Variants in SALL4 observed in about 807,000 individuals in gnomAD.
SALL4 encodes the protein spalt like transcription factor 4.
A neutral mutation model predicts 60.8 loss-of-function variants in SALL4; 4 were observed. The observed-to-expected ratio is 0.07, with a 90% CI of 0.03 to 0.15. SALL4 has a LOEUF of 0.15. Among genes scored for constraint, SALL4 ranks in the 10% least tolerant of loss-of-function variants. The pLI is 1.00. For synonymous variants in SALL4, 580 were observed against 574.9 expected (o/e 1.01, Z -0.13); for missense variants, 1,178 against 1,394.7 (o/e 0.84, Z 2.48).
intron 1 of SALL4, among the ~76,000 whole-genome samples, chr20:51,798,766 C>T (rs979001874): frequency 2.6e-5 from 4 of 152,056 alleles, no homozygotes; most frequent in African/African-American, 9.7e-5. Flanking sequence ...GCACCAATCA[C>T]GGCTCCCTTG....
In SALL4 at chr20:51,788,164, A is replaced by G. The variant is rs2078005860; in HGVS notation, c.2742+697T>C. On this transcript the variant is annotated intron_variant, in intron 3 of 3. Transcript: ENST00000217086. The surrounding 1 kb of genome is among the most constrained non-coding windows in gnomAD (Gnocchi z 4.1). The stretch of plus-strand genomic sequence containing the variant: ...TTAAAATTAAAATGTAAACATTTTA[A>G]TTTTTTTAAGAGACAAGGTCTCACT... 1.3e-5 allele frequency among the ~76,000 whole-genome samples: 2 copies of G among 151,532 alleles called. 1 individual carries two copies. The highest frequency in any genetic ancestry group is 4.1e-4 in the South Asian group (2 of 4,820).
At chr20:51,794,380 T>TC (rs993241505) in intron 1 of SALL4, among the ~76,000 whole-genome samples, 7 of 152,036 alleles carry the variant, frequency 4.6e-5, no homozygotes, top group African/African-American at 1.7e-4. Flanking sequence ...ATGGTGAAAC[T>TC]CCATCTCTAC....
At position 51,791,051 on chromosome 20, in the gene SALL4, G is replaced by C. The variant is rs763987953; in HGVS notation, c.1432C>G (p.Leu478Val). Residue 478 changes from leucine to valine, a missense_variant, in exon 2 of 4, where the codon CTT becomes GTT. Physicochemically the swap from Leu to Val is conservative, Grantham distance 32 (BLOSUM62 1). Around this residue, in one of 5 missense-constraint regions of SALL4, gnomAD observed 853 missense variants for 1,036.8 expected, o/e 0.82. Transcript: ENST00000217086. This position sits in a 1 kb window ranked among gnomAD's most constrained non-coding sequence, Gnocchi z 4.6. ...PSLSLDSKPV[L>V]VTTSVGLPQN... ...GGTAGCCCTACAGAGGTGGTTACAAGGACAGGTTTGCTGTCTAAAGAAAGA... is the reference window on the plus strand; with the variant it reads ...GGTAGCCCTACAGAGGTGGTTACAACGACAGGTTTGCTGTCTAAAGAAAGA... The C allele has an allele frequency of 1.9e-6, 3 of 1,614,162 alleles. No homozygotes were observed. Among genetic ancestry groups the C allele is most frequent in the Non-Finnish European group, 2.5e-6 (3 of 1,180,018 alleles).
Position 51,802,295 on chromosome 20 carries a change from G to A in SALL4, c.114C>T (p.Pro38=), listed in dbSNP as rs1319172990. Residue 38 remains proline, a synonymous_variant, in exon 1 of 4, where the codon CCC becomes CCT. Coordinates refer to ENST00000217086, the MANE Select transcript of SALL4 (RefSeq NM_020436.5). ...PEFADAAPAA[P]AAGELGAPVN... is the part of the protein sequence containing the mutation. ...CCCACTCACCCAGCTCCCCCGCCGC[G>A]GGCGCCGCTGGGGCCGCATCTGCAA... 1 of 1,606,108 alleles carries A rather than the reference G, an allele frequency of 6.2e-7. No individual in the cohort carries two copies. The highest frequency in any genetic ancestry group is 2.2e-5 in the East Asian group (1 of 44,714).
chr20:51,792,266 C>G lies in SALL4; in HGVS notation c.217G>C (p.Val73Leu). ...VKRLRREETH[V>L]CEKCCAEFFS... ...AACTCCGCACAGCATTTCTCACAGA[C>G]GTGCGTCTCCTCCCGACGAAGCCGC... Residue 73 changes from valine to leucine, a missense_variant, in exon 2 of 4, where the codon GTC (valine) becomes CTC (leucine). Around this residue, in one of 5 missense-constraint regions of SALL4, gnomAD observed 108 missense variants for 95.7 expected, o/e 1.13. Transcript: ENST00000217086. The G allele has an allele frequency of 1.2e-6, 2 of 1,613,326 alleles. No individual in the cohort carries two copies. Among genetic ancestry groups the G allele is most frequent in the Non-Finnish European group, 1.7e-6 (2 of 1,180,030 alleles).
chr20:51,802,453 CTCCGCCACAAAT>C lies in SALL4; in HGVS notation c.-57_-46del, dbSNP rs1490776302. On this transcript the variant is annotated 5_prime_UTR_variant, in exon 1 of 4. Coordinates refer to ENST00000217086, the MANE Select transcript of SALL4 (RefSeq NM_020436.5). ...CGGGAGAGCCGCAGTTATTTGCCCT[CTCCGCCACAAAT>C]TCCTGGAGTTGGGAAATTTACCCCC... The C allele has an allele frequency of 6.2e-7, 1 of 1,611,674 alleles. No homozygotes were observed. Among genetic ancestry groups the C allele is most frequent in the African/African-American group, 1.3e-5 (1 of 74,918 alleles).
chr20:51,795,408 AAAAAAC>A (rs1048957986), intron 1 of SALL4, among the ~76,000 whole-genome samples: 228 of 152,252 alleles, frequency 1.5e-3, no homozygotes, highest in African/African-American at 5.3e-3. Flanking sequence ...CTCCGTGTCA[AAAAAAC>A]AAAAACAAAA....
At chr20:51,787,979 G>A (rs554223234) in intron 3 of SALL4, among the ~76,000 whole-genome samples, 13 of 150,686 alleles carry the variant, frequency 8.6e-5, no homozygotes, top group Admixed American at 7.3e-4. Context: ...ATGCCACCAC[G>A]CCCATCTAAT....
intron 3 of SALL4, among the ~76,000 whole-genome samples, chr20:51,787,772 GC>G (rs374303800): frequency 7.9e-5 from 12 of 151,604 alleles, no homozygotes; most frequent in African/African-American, 2.9e-4. Context: ...CTCCCAAAGT[GC>G]TGAGAGTACA....
chr20:51,790,782 T>C lies in SALL4; in HGVS notation c.1701A>G (p.Glu567=). ...NIDKATTDPN[E]CLICHRVLSC... The stretch of plus-strand genomic sequence containing the variant: ...TTAAGACTCGGTGGCAAATGAGACA[T>C]TCGTTGGGATCAGTGGTGGCCTTGT... The change falls in exon 2 of 4, where the codon GAA becomes GAG. Residue 567 remains glutamate, a synonymous_variant. Transcript: ENST00000217086. This position sits in a 1 kb window ranked among gnomAD's most constrained non-coding sequence, Gnocchi z 5.5. 1 of 1,614,050 alleles carries C rather than the reference T, an allele frequency of 6.2e-7. No individual in the cohort carries two copies. Among genetic ancestry groups the C allele is most frequent in the Middle Eastern group, 1.6e-4 (1 of 6,062 alleles).
chr20:51,796,977 T>G (rs2078083237), intron 1 of SALL4, among the ~76,000 whole-genome samples: 1 of 152,166 alleles, frequency 6.6e-6, no homozygotes, highest in Non-Finnish European at 1.5e-5. Context: ...AAATGCATGT[T>G]CTATTTAACA....
Position 51,792,109 on chromosome 20 carries a change from G to T in SALL4, c.374C>A (p.Thr125Asn). The change falls in exon 2 of 4, where the codon ACC (threonine) becomes AAC (asparagine). Residue 125 changes from threonine (T) to asparagine (N), a missense_variant. Around this residue, in one of 5 missense-constraint regions of SALL4, gnomAD observed 853 missense variants for 1,036.8 expected, o/e 0.82. Transcript: ENST00000217086. Reference protein sequence around the residue: ...FSGAVLSHQPTSPGSKDCHRE... With the variant: ...FSGAVLSHQPNSPGSKDCHRE... ...GTGACAGTCCTTACTGCCGGGACTG[G>T]TGGGCTGGTGGCTCAGTACAGCTCC... is the stretch of plus-strand genomic sequence containing the variant. 6.2e-7 allele frequency: 1 copy of T among 1,614,204 alleles called. No homozygotes were observed. Among genetic ancestry groups the T allele is most frequent in the Non-Finnish European group, 8.5e-7 (1 of 1,180,050 alleles).
chr20:51,795,245 A>C (rs956973959), intron 1 of SALL4, among the ~76,000 whole-genome samples: 3 of 152,124 alleles, frequency 2.0e-5, no homozygotes, highest in Non-Finnish European at 2.9e-5. Flanking sequence ...ATCTCTACTA[A>C]CAATACAAAA....
intron 1 of SALL4, among the ~76,000 whole-genome samples, chr20:51,798,068 G>C (rs1310948970): frequency 2.0e-5 from 3 of 152,096 alleles, no homozygotes; most frequent in African/African-American, 7.2e-5. Flanking sequence ...GAAATTATGT[G>C]CCTTCTTAAG....
rs147254025 is a variant in SALL4 at position 51,790,704 on chromosome 20, C to A, written c.1779G>T (p.Pro593=). ...MHYRTHTGER[P]FQCKICGRAF... ...CTCGGCCACAGATCTTACACTGGAA[C>A]GGTCTCTCCCCGGTGTGGGTGCGAT... Residue 593 remains proline (P), a synonymous_variant, in exon 2 of 4, where the codon CCG becomes CCT. Coordinates refer to ENST00000217086, the MANE Select transcript of SALL4 (RefSeq NM_020436.5). The surrounding 1 kb of genome is among the most constrained non-coding windows in gnomAD (Gnocchi z 5.5). 1.9e-4 allele frequency: 299 copies of A among 1,614,130 alleles called. No homozygotes were observed. The African/African-American group carries it at 3.5e-3, about 19-fold the overall frequency.
intron 3 of SALL4, among the ~76,000 whole-genome samples, chr20:51,786,688 T>G (rs8184337): frequency 6.6e-6 from 1 of 152,156 alleles, no homozygotes; most frequent in Non-Finnish European, 1.5e-5. Flanking sequence ...TACTACCGTT[T>G]TGCAAAGTGC....
chr20:51,783,974 C>A lies in SALL4; in HGVS notation c.*291G>T. ...TGGGGAGGTTGCAGTGAGCCGAGAT[C>A]ATGCCACTGCACTCCAGCCTGGGTG... On this transcript the variant is annotated 3_prime_UTR_variant, in exon 4 of 4. Transcript: ENST00000217086. 1 of 391,844 alleles carries A rather than the reference C, an allele frequency of 2.6e-6. No homozygotes were observed. The highest frequency in any genetic ancestry group is 2.3e-5 in the South Asian group (1 of 44,044). 24.3% of individuals were successfully genotyped at this position (391,844 alleles called of 1,614,324 possible).
intron 1 of SALL4, among the ~76,000 whole-genome samples, chr20:51,795,781 T>C (rs2078075813): frequency 6.6e-6 from 1 of 152,190 alleles, no homozygotes; most frequent in South Asian, 2.1e-4. Context: ...CTCAATGTAC[T>C]TGCAGCATTT....
chr20:51,801,978 A>T lies in SALL4; in HGVS notation c.130+301T>A, dbSNP rs1381234070. On this transcript the variant is annotated intron_variant, in intron 1 of 3. Coordinates refer to ENST00000217086, the MANE Select transcript of SALL4 (RefSeq NM_020436.5). The surrounding 1 kb of genome is among the most constrained non-coding windows in gnomAD (Gnocchi z 5.2). ...CCAATTAAGTGAGGGGCAGAGGACA[A>T]GGAGAAGGGAACCTTTCGGGAGCGA... Among the ~76,000 whole-genome samples the T allele has an allele frequency of 6.6e-6, 1 of 151,774 alleles. No individual in the cohort carries two copies. Among genetic ancestry groups the T allele is most frequent in the East Asian group, 1.9e-4 (1 of 5,150 alleles).
Sources: allele counts gnomAD v4.1 joint callset (sites outside exome capture counted in the v4.1 genomes callset), GRCh38; gene constraint gnomAD v4.1.1; regional missense constraint gnomAD v4.1.1; non-coding constraint Gnocchi (gnomAD v3.1); transcripts MANE v1.5; gene names NCBI Gene and HGNC (gene_info 2026-07-23, HGNC 2026-07-21).